The following PDE6C variants were observed in gnomAD, a reference collection of about 807,000 sequenced individuals.
PDE6C encodes the protein cone cGMP-specific 3',5'-cyclic phosphodiesterase subunit alpha'.
PDE6C carries 75 observed loss-of-function variants against 113.1 expected under a neutral mutation model. That is an observed-to-expected ratio of 0.66 (90% CI 0.55 to 0.80). The LOEUF is 0.80. Among genes scored for constraint, PDE6C ranks in the 30% least tolerant of loss-of-function variants. PDE6C has a pLI of 0.00. For synonymous variants in PDE6C, 375 were observed against 363.7 expected (o/e 1.03, Z -0.35); for missense variants, 912 against 1,038.6 (o/e 0.88, Z 1.67).
At chr10:93,624,951 TC>T (rs1177068037) in intron 4 of PDE6C, among the ~76,000 whole-genome samples, 2 of 152,166 alleles carry the variant, frequency 1.3e-5, no homozygotes, top group Non-Finnish European at 1.5e-5. Context: ...AGGCATTTTC[TC>T]CAAATGTCAC....
Position 93,626,816 on chromosome 10 carries a change from C to A in PDE6C, c.1016C>A (p.Ala339Glu). The A allele has an allele frequency of 1.2e-6, 2 of 1,613,924 alleles. No individual in the cohort carries two copies. The highest frequency in any genetic ancestry group is 3.3e-4 in the Middle Eastern group (2 of 6,062). ...EEIKVIPTPP[A>E]DHWTLISGLP... Reference sequence around the variant, plus strand: ...TTCTCTTCCCCAAGGACGCCTCCTGCAGACCACTGGACACTCATTAGTGGG... The same window carrying A: ...TTCTCTTCCCCAAGGACGCCTCCTGAAGACCACTGGACACTCATTAGTGGG... The change falls in exon 7 of 22, where the codon GCA becomes GAA. Residue 339 changes from alanine (A) to glutamate (E), a missense_variant. Transcript: ENST00000371447.
intron 16 of PDE6C, among the ~76,000 whole-genome samples, chr10:93,658,169 C>CAAAAAAAAAAAAAAAAAAA (rs71031527): frequency 2.5e-4 from 15 of 59,878 alleles, no homozygotes; most frequent in South Asian, 9.7e-4. Context: ...GATTCTGTCT[C>CAAAAAAAAAAAAAAAAAAA]AAAAAAAAAA....
At chr10:93,636,659 ATATAT>A (rs1158553602) in intron 10 of PDE6C, among the ~76,000 whole-genome samples, 1 of 152,164 alleles carries the variant, frequency 6.6e-6, no homozygotes, top group African/African-American at 2.4e-5. Context: ...TAAAAATCAA[ATATAT>A]TAGATTATTT....
At chr10:93,615,420 C>T (rs1320423094) in intron 1 of PDE6C, among the ~76,000 whole-genome samples, 2 of 152,192 alleles carry the variant, frequency 1.3e-5, no homozygotes, top group Non-Finnish European at 2.9e-5. Context: ...CTTGCTCCAT[C>T]ACCCAGGCTG....
intron 15 of PDE6C, among the ~76,000 whole-genome samples, chr10:93,652,031 G>T (rs946849923): frequency 6.6e-6 from 1 of 152,068 alleles, no homozygotes; most frequent in African/African-American, 2.4e-5. Flanking sequence ...GTGTGTGTGT[G>T]TGTGCCTGTG....
chr10:93,631,047 G>A (rs2058499207), intron 8 of PDE6C, among the ~76,000 whole-genome samples: 1 of 152,236 alleles, frequency 6.6e-6, no homozygotes, highest in African/African-American at 2.4e-5. Context: ...AGCTGGCCCA[G>A]GAGAATGCAG....
In PDE6C at chr10:93,647,054, A is replaced by G. The variant is rs183545318; in HGVS notation, c.1935+1007A>G. On this transcript the variant is annotated intron_variant, in intron 15 of 21. Transcript: ENST00000371447. ...TCATTGTGAATTGCACATATTACGTACTACTAATCTTCCAGAGAGGGTAGT... is the reference window on the plus strand; with the variant it reads ...TCATTGTGAATTGCACATATTACGTGCTACTAATCTTCCAGAGAGGGTAGT... Among the ~76,000 whole-genome samples, 81 of 152,334 alleles carry G rather than the reference A, an allele frequency of 5.3e-4. 1 individual carries two copies. The highest frequency in any genetic ancestry group is 4.6e-3 in the East Asian group (24 of 5,184).
chr10:93,664,666 ATCTGTATT>A (rs2058681688), intron 21 of PDE6C, among the ~76,000 whole-genome samples: 1 of 152,122 alleles, frequency 6.6e-6, no homozygotes, highest in South Asian at 2.1e-4. Context: ...TTGGATATGG[ATCTGTATT>A]TTATTTGCAC....
intron 14 of PDE6C, among the ~76,000 whole-genome samples, chr10:93,641,780 C>CT (rs982770897): frequency 6.6e-6 from 1 of 152,170 alleles, no homozygotes; most frequent in African/African-American, 2.4e-5. Context: ...CCTCCCTGGT[C>CT]TTTTTGCTTC....
intron 7 of PDE6C, among the ~76,000 whole-genome samples, chr10:93,628,289 TA>T (rs2058483431): frequency 6.6e-6 from 1 of 152,138 alleles, no homozygotes; most frequent in African/African-American, 2.4e-5. Context: ...CTTCTGGCTT[TA>T]AAATGCTATG....
chr10:93,656,008 C>T (rs955535346), intron 16 of PDE6C, 148 bp downstream of exon 16: 5 of 695,118 alleles, frequency 7.2e-6, no homozygotes, highest in Middle Eastern at 3.2e-4. Context: ...ACAAAATTTG[C>T]TCTCCTTTTG....
chr10:93,629,368 C>A, intron 8 of PDE6C, 63 bp downstream of exon 8: 1 of 1,175,066 alleles, frequency 8.5e-7, no homozygotes, highest in South Asian at 1.2e-5. Flanking sequence ...GATGCTCTCG[C>A]CTCTCCTCCA....
rs2058488121 is a variant in PDE6C at position 93,629,299 on chromosome 10, A to G, written c.1113A>G (p.Thr371=). 6.2e-7 allele frequency: 1 copy of G among 1,609,710 alleles called. No individual in the cohort carries two copies. Among genetic ancestry groups the G allele is most frequent in the East Asian group, 2.2e-5 (1 of 44,848 alleles). ...ATGCCCCTGCGGATGAATACTTCAC[A>G]TTTCAGGTAACTGCACTCTGGGTCA... is the stretch of plus-strand genomic sequence containing the variant. ...MMNAPADEYF[T]FQKGPVDETG... is the part of the protein sequence containing the mutation. Residue 371 remains threonine (T), a synonymous_variant, in exon 8 of 22, where the codon ACA becomes ACG. Transcript: ENST00000371447.
At chr10:93,615,686 C>T (rs1163683969) in intron 1 of PDE6C, among the ~76,000 whole-genome samples, 1 of 152,180 alleles carries the variant, frequency 6.6e-6, no homozygotes, top group Non-Finnish European at 1.5e-5. Context: ...CCGGCCCAGG[C>T]ATTGGTATTT....
At chr10:93,620,866 A>G (rs1391784745) in intron 2 of PDE6C, 25 bp from the exon 3 acceptor site, 1 of 1,613,192 alleles carries the variant, frequency 6.2e-7, no homozygotes, top group Non-Finnish European at 8.5e-7. Flanking sequence ...CACAACCATA[A>G]CTTGTTATTC....
At chr10:93,620,119 C>A (rs942203260) in intron 1 of PDE6C, among the ~76,000 whole-genome samples, 1 of 152,070 alleles carries the variant, frequency 6.6e-6, no homozygotes, top group African/African-American at 2.4e-5. Context: ...GCAGTTAGCA[C>A]GGATTTCTTC....
intron 1 of PDE6C, among the ~76,000 whole-genome samples, chr10:93,618,847 G>A (rs564581869): frequency 6.6e-6 from 1 of 152,306 alleles, no homozygotes; most frequent in East Asian, 1.9e-4. Flanking sequence ...GCCTGGAAAT[G>A]ACACACCCAG....
At chr10:93,640,833 C>A (rs1334578595) in intron 13 of PDE6C, 87 bp from the exon 14 acceptor site, 1 of 867,838 alleles carries the variant, frequency 1.2e-6, no homozygotes, top group Non-Finnish European at 1.9e-6. Flanking sequence ...ACCTAGTGGG[C>A]CTATTCTCTA....
intron 7 of PDE6C, among the ~76,000 whole-genome samples, 166 bp downstream of exon 7, chr10:93,627,037 C>A (rs2785139): frequency 6.6e-6 from 1 of 151,686 alleles, no homozygotes; most frequent in South Asian, 2.1e-4. Context: ...CTGAGGCGGG[C>A]GAATCATCTG....
Sources: allele counts gnomAD v4.1 joint callset (sites outside exome capture counted in the v4.1 genomes callset), GRCh38; gene constraint gnomAD v4.1.1; transcripts MANE v1.5; gene names NCBI Gene and HGNC (gene_info 2026-07-23, HGNC 2026-07-21).